GABRG1: variants seen among roughly 807,000 people sequenced by gnomAD.
GABRG1 encodes the protein gamma-aminobutyric acid receptor subunit gamma-1.
In GABRG1, 49 loss-of-function variants were observed where a neutral mutation model predicts 49.8. The ratio of observed to expected loss-of-function variants is 0.98; its 90% CI spans 0.78 to 1.25. GABRG1 has a LOEUF of 1.25. Ranked by LOEUF, GABRG1 falls within the 50% of genes most tolerant of loss-of-function variation. The pLI is 0.00. For missense variants in GABRG1, 552 were observed against 552.3 expected (o/e 1.00, Z 0.01); for synonymous variants, 232 against 185.1 (o/e 1.25, Z -2.06).
chr4:46,059,872 T>C (rs1718606266), intron 5 of GABRG1, among the ~76,000 whole-genome samples: 2 of 152,184 alleles, frequency 1.3e-5, no homozygotes, highest in African/African-American at 4.8e-5. Context: ...TTAAAAAGTA[T>C]GTTTATTAGA....
At chr4:46,098,802 A>G (rs1229333482) in intron 1 of GABRG1, among the ~76,000 whole-genome samples, 1 of 151,678 alleles carries the variant, frequency 6.6e-6, no homozygotes, top group African/African-American at 2.4e-5. Flanking sequence ...CATCAGCTAT[A>G]AAAACCTGGA....
chr4:46,071,969 C>T (rs964505107), intron 3 of GABRG1, among the ~76,000 whole-genome samples: 2 of 151,970 alleles, frequency 1.3e-5, no homozygotes. Flanking sequence ...AATGTCCAGG[C>T]CTTCACATTC....
rs770706010 is a variant in GABRG1, at chr4:46,051,481, G to A, written c.1074C>T (p.Thr358=). The change falls in exon 8 of 9, where the codon ACC becomes ACT. Residue 358 remains threonine, a synonymous_variant. Transcript: ENST00000295452. ...LMEYGTLHYF[T]SNQKGKTATK... ...TAGCAGTCTTTCCTTTTTGGTTGCT[G>A]GTAAAATAATGCAAGGTTCCATATT... 4.3e-6 allele frequency: 7 copies of A among 1,610,322 alleles called. No individual in the cohort carries two copies. Among genetic ancestry groups the A allele is most frequent in the East Asian group, 2.2e-5 (1 of 44,714 alleles).
chr4:46,072,797 C>G (rs369948124), intron 3 of GABRG1, among the ~76,000 whole-genome samples: 1 of 150,494 alleles, frequency 6.6e-6, no homozygotes, highest in Non-Finnish European at 1.5e-5. Context: ...TTCGCATGTG[C>G]GATGAATTTT....
chr4:46,065,633 T>A (rs184814027), intron 3 of GABRG1, 49 bp from the exon 4 acceptor site: 1 of 879,922 alleles, frequency 1.1e-6, no homozygotes, highest in South Asian at 1.6e-5. Flanking sequence ...ACTATTTTAG[T>A]TGTTTTTCTC....
At chr4:46,062,325 G>A (rs1173118023) in intron 5 of GABRG1, among the ~76,000 whole-genome samples, 9 of 151,740 alleles carry the variant, frequency 5.9e-5, no homozygotes, top group Admixed American at 2.6e-4. Context: ...GAATAGTGCC[G>A]CAATAAACAT....
At chr4:46,071,415 A>C (rs1025993086) in intron 3 of GABRG1, among the ~76,000 whole-genome samples, 2 of 149,328 alleles carry the variant, frequency 1.3e-5, no homozygotes, top group African/African-American at 2.4e-5. Context: ...ATGAAAATAC[A>C]CACACATATG....
chr4:46,057,741 T>A (rs1050339546), intron 7 of GABRG1, among the ~76,000 whole-genome samples: 20 of 152,114 alleles, frequency 1.3e-4, no homozygotes, highest in African/African-American at 4.8e-4. Context: ...AGCGTCTTGT[T>A]CCTTTCAGCT....
intron 5 of GABRG1, among the ~76,000 whole-genome samples, chr4:46,062,105 C>G (rs563735612): frequency 1.4e-5 from 2 of 143,284 alleles, no homozygotes; most frequent in Non-Finnish European, 3.0e-5. Flanking sequence ...CAATTCCCAT[C>G]TATGAGTGAG....
chr4:46,109,059 C>T (rs539619628), intron 1 of GABRG1, among the ~76,000 whole-genome samples: 1 of 151,022 alleles, frequency 6.6e-6, no homozygotes, highest in South Asian at 2.1e-4. Flanking sequence ...AACAGTGTCT[C>T]CTCAAGTTTT....
chr4:46,105,300 A>G (rs1419840725), intron 1 of GABRG1, among the ~76,000 whole-genome samples: 1 of 151,542 alleles, frequency 6.6e-6, no homozygotes, highest in Non-Finnish European at 1.5e-5. Context: ...AAAGAAAAAA[A>G]GAAAACGAAA....
intron 2 of GABRG1, among the ~76,000 whole-genome samples, chr4:46,093,069 T>TAA (rs10627690): frequency 0.45 from 54,952 of 121,562 alleles, 12,262 homozygotes; most frequent in Non-Finnish European, 0.5. Flanking sequence ...AACTCCATCT[T>TAA]AAAAAAAAAA....
chr4:46,044,684 G>A (rs1165051169), intron 8 of GABRG1, among the ~76,000 whole-genome samples: 3 of 152,068 alleles, frequency 2.0e-5, no homozygotes. Context: ...CTCAGTATAA[G>A]GAAGGAAGAA....
rs140613301 is a variant in GABRG1, at chr4:46,102,115, T to C, written c.105-4766A>G. 4.0e-5 allele frequency among the ~76,000 whole-genome samples: 6 copies of C among 151,768 alleles called. No homozygotes were observed. The East Asian group carries it at 1.2e-3, about 30-fold the overall frequency. ...TAACGCTCTGAAATAAATTTCTAATTATAAAATGAATAACTAAATAGAGTA... is the reference window on the plus strand; with the variant it reads ...TAACGCTCTGAAATAAATTTCTAATCATAAAATGAATAACTAAATAGAGTA... On this transcript the variant is annotated intron_variant, in intron 1 of 8. Coordinates refer to ENST00000295452, the MANE Select transcript of GABRG1 (RefSeq NM_173536.4).
intron 8 of GABRG1, among the ~76,000 whole-genome samples, chr4:46,049,159 A>G (rs1718118270): frequency 6.6e-6 from 1 of 151,946 alleles, no homozygotes; most frequent in Admixed American, 6.6e-5. Context: ...GAGGGGGTGA[A>G]GTCACAAACA....
intron 4 of GABRG1, among the ~76,000 whole-genome samples, 198 bp downstream of exon 4, chr4:46,065,166 G>T (rs1361149091): frequency 7.2e-5 from 11 of 152,010 alleles, no homozygotes; most frequent in Admixed American, 5.9e-4. Flanking sequence ...TTTTCTCTTT[G>T]CTTTTAGTCC....
intron 5 of GABRG1, among the ~76,000 whole-genome samples, chr4:46,060,410 C>T (rs879841336): frequency 9.2e-5 from 14 of 152,108 alleles, no homozygotes; most frequent in East Asian, 1.9e-4. Context: ...GAAATTACCA[C>T]GTTTTGTCAA....
chr4:46,089,925 C>T (rs1166962246), intron 2 of GABRG1, among the ~76,000 whole-genome samples: 1 of 152,018 alleles, frequency 6.6e-6, no homozygotes, highest in Non-Finnish European at 1.5e-5. Flanking sequence ...GATCACACCA[C>T]TGCACTCCAG....
At position 46,039,942 on chromosome 4, in the gene GABRG1, A is replaced by G. The variant is rs1293516871; in HGVS notation, c.*1046T>C. 1 of 151,832 alleles carries G rather than the reference A, an allele frequency of 6.6e-6. No homozygotes were observed. The highest frequency in any genetic ancestry group is 1.5e-5 in the Non-Finnish European group (1 of 67,826). 9.4% of individuals were successfully genotyped at this position (151,832 alleles called of 1,614,324 possible). A position where few individuals can be genotyped will look rare whatever the true frequency, so the allele number is the denominator to read the frequency against. ...TTGGAGCTGGAAGAGGCAATATGTAACGCAGGCCTAAAACTGTTTTCTGCA... is the reference window on the plus strand; with the variant it reads ...TTGGAGCTGGAAGAGGCAATATGTAGCGCAGGCCTAAAACTGTTTTCTGCA... On this transcript the variant is annotated 3_prime_UTR_variant, in exon 9 of 9. Coordinates refer to ENST00000295452, the MANE Select transcript of GABRG1 (RefSeq NM_173536.4).
Sources: gnomAD v4.1 joint callset for allele counts (sites outside exome capture counted in the v4.1 genomes callset) on GRCh38, gnomAD v4.1.1 for gene constraint, MANE v1.5 for transcripts, NCBI Gene and HGNC (gene_info 2026-07-23, HGNC 2026-07-21) for gene names.